Variants in PTPRM observed in about 807,000 individuals in gnomAD.
The protein encoded by PTPRM is receptor-type tyrosine-protein phosphatase mu.
In PTPRM, 47 loss-of-function variants were observed where a neutral mutation model predicts 186.7. The ratio of observed to expected loss-of-function variants is 0.25; its 90% CI spans 0.20 to 0.32. PTPRM has a LOEUF of 0.32. Among genes scored for constraint, PTPRM ranks in the 10% least tolerant of loss-of-function variants. PTPRM has a pLI of 1.00. For synonymous variants in PTPRM, 668 were observed against 674.9 expected, an observed-to-expected ratio of 0.99 and a Z score of 0.16; for missense variants, 1,494 against 1,865.0, an observed-to-expected ratio of 0.80 and a Z score of 3.66.
chr18:8,240,074 G>A (rs2094397933), intron 14 of PTPRM, among the ~76,000 whole-genome samples: 1 of 152,116 alleles, frequency 6.6e-6, no homozygotes, highest in African/African-American at 2.4e-5. Flanking sequence ...AAGCTTTTCT[G>A]ATAGTGTTCC....
chr18:8,181,909 C>G (rs2093580995), intron 14 of PTPRM, among the ~76,000 whole-genome samples: 2 of 152,048 alleles, frequency 1.3e-5, no homozygotes, highest in Admixed American at 6.6e-5. Flanking sequence ...AAAGGAAACC[C>G]CTTCTTTTAA....
intron 18 of PTPRM, among the ~76,000 whole-genome samples, chr18:8,253,020 AAAAG>A (rs1209529442): frequency 1.3e-5 from 2 of 152,210 alleles, no homozygotes; most frequent in Admixed American, 6.5e-5. Flanking sequence ...ACTGCTTTGT[AAAAG>A]AAAGATTTCT....
chr18:7,782,445 G>A (rs182352727), intron 2 of PTPRM, among the ~76,000 whole-genome samples: 15 of 152,300 alleles, frequency 9.8e-5, no homozygotes, highest in South Asian at 6.2e-4. Context: ...TATACATAGC[G>A]TCAAATTTAC....
intron 1 of PTPRM, among the ~76,000 whole-genome samples, chr18:7,593,485 A>G (rs2143654271): frequency 6.6e-6 from 1 of 152,318 alleles, no homozygotes; most frequent in South Asian, 2.1e-4. Flanking sequence ...AGTAGAATGA[A>G]ACTCCAGGCT....
At chr18:8,008,694 T>C (rs539716517) in intron 7 of PTPRM, among the ~76,000 whole-genome samples, 90 of 152,270 alleles carry the variant, frequency 5.9e-4, no homozygotes, top group Middle Eastern at 3.4e-3. Flanking sequence ...TTTGGAGGCT[T>C]GCTTAAAGAA....
intron 22 of PTPRM, among the ~76,000 whole-genome samples, chr18:8,333,926 C>T (rs775933389): frequency 5.3e-5 from 8 of 152,220 alleles, no homozygotes; most frequent in Admixed American, 6.5e-5. Flanking sequence ...TGCGCTCAAA[C>T]GGGCCCTGGT....
intron 21 of PTPRM, among the ~76,000 whole-genome samples, chr18:8,318,165 A>G (rs2095322519): frequency 6.6e-6 from 1 of 151,660 alleles, no homozygotes; most frequent in South Asian, 2.1e-4. Context: ...ATTTTGGGCA[A>G]TCTTGGGGGA....
At chr18:7,753,953 C>T (rs1165980369) in intron 1 of PTPRM, among the ~76,000 whole-genome samples, 4 of 152,048 alleles carry the variant, frequency 2.6e-5, no homozygotes, top group Admixed American at 1.3e-4. Flanking sequence ...GACCCATCTC[C>T]TCCTATTTCA....
intron 22 of PTPRM, among the ~76,000 whole-genome samples, chr18:8,322,734 C>T (rs934085765): frequency 6.6e-6 from 1 of 152,162 alleles, no homozygotes. Flanking sequence ...CTGGATGAAG[C>T]CACACACATA....
chr18:7,659,697 AC>A (rs1490776789), intron 1 of PTPRM, among the ~76,000 whole-genome samples: 6 of 152,152 alleles, frequency 3.9e-5, no homozygotes, highest in Non-Finnish European at 7.4e-5. Flanking sequence ...CACTAGCTCC[AC>A]TGAATATATC....
intron 14 of PTPRM, among the ~76,000 whole-genome samples, chr18:8,228,949 A>C (rs2094250305): frequency 6.6e-6 from 1 of 152,184 alleles, no homozygotes; most frequent in African/African-American, 2.4e-5. Context: ...TTTTCTTTCA[A>C]CAACTTGAAA....
chr18:7,895,502 A>G (rs887950435), intron 3 of PTPRM, among the ~76,000 whole-genome samples: 9 of 152,200 alleles, frequency 5.9e-5, no homozygotes, highest in African/African-American at 2.2e-4. Flanking sequence ...GCTGTCATAC[A>G]GCACTGCAAG....
At chr18:8,178,455 A>G (rs534891688) in intron 14 of PTPRM, among the ~76,000 whole-genome samples, 1 of 152,308 alleles carries the variant, frequency 6.6e-6, no homozygotes, top group African/African-American at 2.4e-5. Flanking sequence ...AATCACAGCA[A>G]GAATAATTAT....
Position 7,568,827 on chromosome 18 carries a change from G to A in PTPRM, c.73+936G>A, listed in dbSNP as rs777741464. ...GGGGGTCCGGCGTGGGGGCGAACCCGGCACGCTGTCACAGGGGTTTACAAC... is the reference window on the plus strand; with the variant it reads ...GGGGGTCCGGCGTGGGGGCGAACCCAGCACGCTGTCACAGGGGTTTACAAC... On this transcript the variant is annotated intron_variant, in intron 1 of 32. Coordinates refer to ENST00000580170, the MANE Select transcript of PTPRM (RefSeq NM_001105244.2). The surrounding 1 kb of genome is among the most constrained non-coding windows in gnomAD (Gnocchi z 5.1). Among the ~76,000 whole-genome samples the A allele has an allele frequency of 1.1e-3, 175 of 152,272 alleles. No individual in the cohort carries two copies. The highest frequency in any genetic ancestry group is 2.0e-3 in the Non-Finnish European group (134 of 68,022).
At chr18:7,688,202 A>G (rs1170421527) in intron 1 of PTPRM, among the ~76,000 whole-genome samples, 1 of 152,166 alleles carries the variant, frequency 6.6e-6, no homozygotes, top group Non-Finnish European at 1.5e-5. Context: ...GCCCGGTAGC[A>G]CTTTTGAAAG....
At chr18:7,887,906 A>C in intron 2 of PTPRM, 200 bp from the exon 3 acceptor site, 37 of 743,274 alleles carry the variant, frequency 5.0e-5, no homozygotes, top group Non-Finnish European at 7.6e-5. Flanking sequence ...CATTAATACT[A>C]TGTGCACTCT....
intron 14 of PTPRM, among the ~76,000 whole-genome samples, chr18:8,180,908 C>T (rs2093563881): frequency 1.3e-5 from 2 of 152,162 alleles, no homozygotes; most frequent in African/African-American, 2.4e-5. Flanking sequence ...TCCTGACCAT[C>T]ACCTGATGGT....
chr18:7,666,082 C>T (rs538911700), intron 1 of PTPRM, among the ~76,000 whole-genome samples: 2 of 152,164 alleles, frequency 1.3e-5, no homozygotes, highest in East Asian at 1.9e-4. Flanking sequence ...AAAGACATAT[C>T]GTTAGAATAC....
At chr18:7,757,980 G>A (rs2041585877) in intron 1 of PTPRM, among the ~76,000 whole-genome samples, 1 of 152,022 alleles carries the variant, frequency 6.6e-6, no homozygotes, top group Non-Finnish European at 1.5e-5. Context: ...CCATAACAGA[G>A]GTGCTTACCT....
Sources: gnomAD v4.1 joint callset for allele counts (sites outside exome capture counted in the v4.1 genomes callset) on GRCh38, gnomAD v4.1.1 for gene constraint, Gnocchi (gnomAD v3.1) non-coding constraint, MANE v1.5 for transcripts, NCBI Gene and HGNC (gene_info 2026-07-23, HGNC 2026-07-21) for gene names.